The following TNNI3K variants were observed in gnomAD, a reference collection of about 807,000 sequenced individuals.
TNNI3K encodes the protein serine/threonine-protein kinase TNNI3K.
In TNNI3K, 140 loss-of-function variants were observed where a neutral mutation model predicts 114.5. The ratio of observed to expected loss-of-function variants is 1.22; its 90% CI spans 1.07 to 1.41. The LOEUF is 1.41. Among genes scored for constraint, TNNI3K ranks in the 40% most tolerant of loss-of-function variants. The pLI, the probability that TNNI3K is intolerant of heterozygous loss-of-function variation, is 0.00. For missense variants in TNNI3K, 1,125 were observed against 1,007.6 expected, an observed-to-expected ratio of 1.12 and a Z score of -1.58; for synonymous variants, 347 against 347.5, an observed-to-expected ratio of 1.00 and a Z score of 0.02.
chr1:74,521,009 C>G (rs1166058176), intron 23 of TNNI3K, among the ~76,000 whole-genome samples: 1 of 152,120 alleles, frequency 6.6e-6, no homozygotes, highest in African/African-American at 2.4e-5. Flanking sequence ...TGTGGGAGCA[C>G]AGATCCACCT....
At chr1:74,347,602 T>A (rs1433942367) in intron 9 of TNNI3K, among the ~76,000 whole-genome samples, 1 of 152,162 alleles carries the variant, frequency 6.6e-6, no homozygotes, top group Non-Finnish European at 1.5e-5. Flanking sequence ...GTTGAACTAG[T>A]TTACAGTCCC....
chr1:74,535,042 G>T (rs3843261), intron 23 of TNNI3K, among the ~76,000 whole-genome samples: 8 of 151,762 alleles, frequency 5.3e-5, no homozygotes, highest in African/African-American at 1.2e-4. Context: ...GTAAAAATCA[G>T]GCATTCAGCC....
intron 15 of TNNI3K, 56 bp downstream of exon 15, chr1:74,369,320 G>T: frequency 6.2e-7 from 1 of 1,606,258 alleles, no homozygotes; most frequent in Middle Eastern, 1.7e-4. Context: ...CCTTTGAGAA[G>T]CATGTGCATG....
intron 23 of TNNI3K, among the ~76,000 whole-genome samples, chr1:74,535,373 C>T (rs1402286887): frequency 6.6e-6 from 1 of 152,040 alleles, no homozygotes; most frequent in Non-Finnish European, 1.5e-5. Context: ...CTTATGCTGA[C>T]ACACAAGAAT....
chr1:74,342,883 TG>T lies in TNNI3K; in HGVS notation c.725del (p.Cys242PhefsTer9). 1 of 1,613,828 alleles carries T rather than the reference TG, an allele frequency of 6.2e-7. No homozygotes were observed. Among genetic ancestry groups the T allele is most frequent in the East Asian group, 2.2e-5 (1 of 44,842 alleles). ...DNEDHVPLHF[C>X]SRFGHHDIVK... ...TGAAGACCATGTCCCACTCCATTTC[TG>T]TTCTCGATTTGGACACCATGATATA... On this transcript the variant is annotated frameshift_variant, in exon 8 of 25. Transcript: ENST00000326637. LOFTEE classifies it high-confidence loss of function.
chr1:74,381,192 T>A (rs954490750), intron 17 of TNNI3K, among the ~76,000 whole-genome samples: 2 of 152,178 alleles, frequency 1.3e-5, no homozygotes, highest in African/African-American at 4.8e-5. Flanking sequence ...GCTATCACCC[T>A]ATTGGAAGAC....
At chr1:74,476,474 T>C (rs995436029) in intron 21 of TNNI3K, among the ~76,000 whole-genome samples, 3 of 152,184 alleles carry the variant, frequency 2.0e-5, no homozygotes, top group African/African-American at 7.2e-5. Context: ...CCTCCTCTGC[T>C]ACAACTGAGC....
At chr1:74,270,930 C>G (rs1272481385) in intron 4 of TNNI3K, among the ~76,000 whole-genome samples, 1 of 151,472 alleles carries the variant, frequency 6.6e-6, no homozygotes, top group Non-Finnish European at 1.5e-5. Flanking sequence ...AAATACAATA[C>G]AAATAATATT....
chr1:74,282,661 G>T (rs1216962079), intron 5 of TNNI3K, among the ~76,000 whole-genome samples: 2 of 152,106 alleles, frequency 1.3e-5, no homozygotes, highest in Non-Finnish European at 2.9e-5. Flanking sequence ...AATTATCCTT[G>T]TCAGATTTTG....
intron 21 of TNNI3K, among the ~76,000 whole-genome samples, chr1:74,474,455 T>C (rs1214115985): frequency 1.3e-5 from 2 of 152,104 alleles, no homozygotes; most frequent in Non-Finnish European, 2.9e-5. Flanking sequence ...TCTTATCCAG[T>C]CGCCCCAAAA....
intron 9 of TNNI3K, among the ~76,000 whole-genome samples, chr1:74,348,309 G>A (rs1246354360): frequency 6.6e-6 from 1 of 152,178 alleles, no homozygotes; most frequent in East Asian, 1.9e-4. Context: ...GATAGTTGTA[G>A]ATAAGCAGCA....
At chr1:74,275,268 C>A (rs1656610768) in intron 5 of TNNI3K, among the ~76,000 whole-genome samples, 1 of 152,102 alleles carries the variant, frequency 6.6e-6, no homozygotes, top group South Asian at 2.1e-4. Flanking sequence ...CAAGGAGAAG[C>A]AAGTCACGTC....
intron 20 of TNNI3K, among the ~76,000 whole-genome samples, chr1:74,453,646 G>A (rs945982768): frequency 3.6e-4 from 55 of 152,246 alleles, no homozygotes; most frequent in African/African-American, 1.2e-3. Flanking sequence ...CTTGAAGTTA[G>A]GGTCTCTTTT....
At chr1:74,265,683 ATGAAT>A (rs1655932471) in intron 4 of TNNI3K, among the ~76,000 whole-genome samples, 1 of 152,068 alleles carries the variant, frequency 6.6e-6, no homozygotes, top group African/African-American at 2.4e-5. Context: ...ATTGTACTAA[ATGAAT>A]TACAGCATTA....
At chr1:74,307,078 G>A (rs1205912410) in intron 5 of TNNI3K, among the ~76,000 whole-genome samples, 1 of 152,066 alleles carries the variant, frequency 6.6e-6, no homozygotes, top group Non-Finnish European at 1.5e-5. Flanking sequence ...TCTGAATATG[G>A]CTAGCCAGTT....
At chr1:74,492,726 T>C (rs1202862373) in intron 23 of TNNI3K, among the ~76,000 whole-genome samples, 1 of 152,204 alleles carries the variant, frequency 6.6e-6, no homozygotes, top group Non-Finnish European at 1.5e-5. Flanking sequence ...CAAATGTTTA[T>C]AGAGCAATAT....
intron 17 of TNNI3K, among the ~76,000 whole-genome samples, chr1:74,423,748 C>A (rs1195622109): frequency 2.0e-5 from 3 of 152,106 alleles, no homozygotes; most frequent in Non-Finnish European, 4.4e-5. Context: ...TTTCTAAGCA[C>A]TATCAGAGTT....
At chr1:74,487,492 G>C (rs1483934274) in intron 21 of TNNI3K, among the ~76,000 whole-genome samples, 1 of 152,136 alleles carries the variant, frequency 6.6e-6, no homozygotes, top group African/African-American at 2.4e-5. Context: ...TTTGAAGTGA[G>C]ACCAGGCAGA....
chr1:74,529,603 T>C (rs1390749039), intron 23 of TNNI3K, among the ~76,000 whole-genome samples: 1 of 152,162 alleles, frequency 6.6e-6, no homozygotes, highest in Non-Finnish European at 1.5e-5. Flanking sequence ...AATCAAATGA[T>C]TGTATTTTGG....
Sources: gnomAD v4.1 joint callset for allele counts (sites outside exome capture counted in the v4.1 genomes callset) on GRCh38, gnomAD v4.1.1 for gene constraint, MANE v1.5 for transcripts, NCBI Gene and HGNC (gene_info 2026-07-23, HGNC 2026-07-21) for gene names.